Variants in KCTD1 observed in about 807,000 individuals in gnomAD.
KCTD1 encodes potassium channel tetramerization domain containing 1, also known as BTB/POZ domain-containing protein KCTD1.
KCTD1 carries 24 observed loss-of-function variants against 66.0 expected under a neutral mutation model. The ratio of observed to expected loss-of-function variants is 0.36; its 90% CI spans 0.26 to 0.51. The LOEUF is 0.51. Ranked by LOEUF, KCTD1 falls within the 20% of genes least tolerant of loss-of-function variation. The pLI, the probability that KCTD1 is intolerant of heterozygous loss-of-function variation, is 0.95. For missense variants in KCTD1, 943 were observed against 1,205.2 expected, an observed-to-expected ratio of 0.78 and a Z score of 3.22; for synonymous variants, 511 against 517.2, an observed-to-expected ratio of 0.99 and a Z score of 0.16.
At chr18:26,600,243 T>G (rs1410919139) in intron 1 of KCTD1, 1 of 1,606,822 alleles carries the variant, frequency 6.2e-7, no homozygotes. Context: ...GCTACCTGGG[T>G]GATGCCTTCC....
At chr18:26,520,386 C>A (rs919881466) in intron 1 of KCTD1, among the ~76,000 whole-genome samples, 2 of 152,202 alleles carry the variant, frequency 1.3e-5, no homozygotes, top group African/African-American at 4.8e-5. Flanking sequence ...TGATGACTAA[C>A]AGTATTTGTC....
At chr18:26,651,111 T>G (rs139093531) in intron 1 of KCTD1, among the ~76,000 whole-genome samples, 2 of 137,410 alleles carry the variant, frequency 1.5e-5, no homozygotes, top group African/African-American at 2.8e-5. Context: ...ACTGTTTTTG[T>G]TTTTTTTCTT....
intron 2 of KCTD1, among the ~76,000 whole-genome samples, chr18:26,499,051 T>C (rs1312475408): frequency 2.6e-5 from 4 of 152,180 alleles, no homozygotes; most frequent in African/African-American, 4.8e-5. Flanking sequence ...ACAATGAGCA[T>C]AGAAGAAAAC....
chr18:26,539,409 G>A (rs919084245), intron 1 of KCTD1, among the ~76,000 whole-genome samples: 1 of 152,242 alleles, frequency 6.6e-6, no homozygotes, highest in Non-Finnish European at 1.5e-5. Context: ...GGGGCACAGA[G>A]TGGCGGGATT....
chr18:26,622,018 T>C (rs1987396893), intron 1 of KCTD1, among the ~76,000 whole-genome samples: 1 of 152,200 alleles, frequency 6.6e-6, no homozygotes, highest in African/African-American at 2.4e-5. Context: ...TGGATTCTAG[T>C]CCAGGTTTTC....
At chr18:26,467,951 T>C (rs531463768) in intron 3 of KCTD1, among the ~76,000 whole-genome samples, 1 of 152,154 alleles carries the variant, frequency 6.6e-6, no homozygotes, top group African/African-American at 2.4e-5. Flanking sequence ...AGACAGACCA[T>C]GAAAGATGTG....
chr18:26,496,740 G>GCGCACACACA (rs1555635323), intron 2 of KCTD1, among the ~76,000 whole-genome samples: 1 of 148,094 alleles, frequency 6.8e-6, no homozygotes, highest in African/African-American at 2.5e-5. Context: ...AAAAGCATGT[G>GCGCACACACA]CACACACACA....
At chr18:26,536,450 A>C (rs1054879087) in intron 1 of KCTD1, among the ~76,000 whole-genome samples, 3 of 152,204 alleles carry the variant, frequency 2.0e-5, no homozygotes, top group African/African-American at 7.2e-5. Context: ...TTTTTTGACA[A>C]GGTAATATTT....
intron 1 of KCTD1, among the ~76,000 whole-genome samples, chr18:26,621,396 T>C (rs1987380945): frequency 6.6e-6 from 1 of 152,110 alleles, no homozygotes; most frequent in Non-Finnish European, 1.5e-5. Flanking sequence ...CGGCACTTCC[T>C]AGTTGTTCCA....
At position 26,455,129 on chromosome 18, in the gene KCTD1, G is replaced by C. The variant is rs1418870404; in HGVS notation, c.*614C>G. 2 of 152,600 alleles carry C rather than the reference G, an allele frequency of 1.3e-5. No individual in the cohort carries two copies. Among genetic ancestry groups the C allele is most frequent in the Non-Finnish European group, 2.9e-5 (2 of 68,068 alleles). 9.5% of individuals were successfully genotyped at this position (152,600 alleles called of 1,614,324 possible). ...TTAAAACAAAGTAAAGTTCACATCT[G>C]TGAGGTGGACAAAAAAGTGTGACTT... On this transcript the variant is annotated 3_prime_UTR_variant, in exon 5 of 5. Transcript: ENST00000580059.
intron 1 of KCTD1, among the ~76,000 whole-genome samples, chr18:26,518,400 G>A (rs1983763777): frequency 6.6e-6 from 1 of 151,794 alleles, no homozygotes; most frequent in Admixed American, 6.6e-5. Flanking sequence ...CTGAGTAGCT[G>A]GACTACAGGT....
intron 1 of KCTD1, among the ~76,000 whole-genome samples, chr18:26,579,842 G>A (rs1263869338): frequency 1.3e-5 from 2 of 152,078 alleles, no homozygotes; most frequent in African/African-American, 4.8e-5. Flanking sequence ...ACCCTCTCTT[G>A]GTGCTTAGGT....
intron 1 of KCTD1, among the ~76,000 whole-genome samples, chr18:26,607,878 C>T (rs1308367590): frequency 1.3e-5 from 2 of 152,166 alleles, no homozygotes; most frequent in African/African-American, 2.4e-5. Context: ...AGTGATCCCC[C>T]TGCCTTAGCC....
Position 26,548,069 on chromosome 18 carries a change from G to A in KCTD1, c.468C>T (p.Asp156=). The change falls in exon 1 of 5, where the codon GAC becomes GAT. Residue 156 remains aspartate, a synonymous_variant. Transcript: ENST00000580059. ...GGPPGDGSEL[D]PDVLQRPERA... Reference sequence around the variant, plus strand: ...GCTCGGGGCGCTGCAGCACGTCGGGGTCCAGCTCGGAGCCGTCCCCGGGCG... The same window carrying A: ...GCTCGGGGCGCTGCAGCACGTCGGGATCCAGCTCGGAGCCGTCCCCGGGCG... 1 of 1,484,868 alleles carries A rather than the reference G, an allele frequency of 6.7e-7. No homozygotes were observed. Among genetic ancestry groups the A allele is most frequent in the Non-Finnish European group, 8.9e-7 (1 of 1,120,030 alleles). 92.0% of individuals were successfully genotyped at this position (1,484,868 alleles called of 1,614,324 possible).
chr18:26,597,907 G>C (rs1427480568), intron 1 of KCTD1, among the ~76,000 whole-genome samples: 1 of 152,178 alleles, frequency 6.6e-6, no homozygotes, highest in East Asian at 1.9e-4. Flanking sequence ...GCCTACCTCA[G>C]CCTCCCAAAG....
chr18:26,654,123 A>G (rs1043795984), intron 1 of KCTD1, among the ~76,000 whole-genome samples: 1 of 152,232 alleles, frequency 6.6e-6, no homozygotes, highest in African/African-American at 2.4e-5. Context: ...TAAGACAAGA[A>G]AGCATTTGTG....
rs143292379 is a variant in KCTD1 at position 26,472,323 on chromosome 18, T to C, written c.2133+4192A>G. ...GCTATATATAACTTAGCGAAAAATA[T>C]AATGAAATCCTATGGCAGTTTTTCC... On this transcript the variant is annotated intron_variant, in intron 3 of 4. Transcript: ENST00000580059. Among the ~76,000 whole-genome samples, 613 of 152,150 alleles carry C rather than the reference T, an allele frequency of 4.0e-3. 1 individual carries two copies. Among genetic ancestry groups the C allele is most frequent in the African/African-American group, 0.014 (573 of 41,404 alleles).
At chr18:26,615,341 G>A (rs1987226791) in intron 1 of KCTD1, among the ~76,000 whole-genome samples, 1 of 152,180 alleles carries the variant, frequency 6.6e-6, no homozygotes, top group Non-Finnish European at 1.5e-5. Context: ...TTATGTCAAA[G>A]CTACTGGAGA....
At chr18:26,562,104 A>T (rs75463438) in intron 1 of KCTD1, among the ~76,000 whole-genome samples, 2,830 of 152,060 alleles carry the variant, frequency 0.019, 66 homozygotes, top group African/African-American at 0.054. Context: ...GCACCTCCCA[A>T]ATCTCTGACT....
Sources: allele counts gnomAD v4.1 joint callset (sites outside exome capture counted in the v4.1 genomes callset), GRCh38; gene constraint gnomAD v4.1.1; transcripts MANE v1.5; gene names NCBI Gene and HGNC (gene_info 2026-07-23, HGNC 2026-07-21).